The following XIAP variants were observed in gnomAD, a reference collection of about 807,000 sequenced individuals.
XIAP encodes the protein E3 ubiquitin-protein ligase XIAP.
Under a neutral mutation model 33.1 loss-of-function variants are expected in XIAP, and 3 were observed. That is an observed-to-expected ratio of 0.09 (90% CI 0.04 to 0.23). XIAP has a LOEUF of 0.23. XIAP is among the 10% of genes least tolerant of loss of function. The pLI, the probability that XIAP is intolerant of heterozygous loss-of-function variation, is 1.00. For missense variants in XIAP, 264 were observed against 363.0 expected, an observed-to-expected ratio of 0.73 and a Z score of 2.22; for synonymous variants, 98 against 121.3, an observed-to-expected ratio of 0.81 and a Z score of 1.26.
chrX:123,876,119 C>G (rs1389657101), intron 1 of XIAP, among the ~76,000 whole-genome samples: 1 of 111,584 alleles, frequency 9.0e-6, no homozygotes, highest in East Asian at 2.8e-4. Flanking sequence ...GCCTACATTG[C>G]CCAGTCTGGT....
intron 1 of XIAP, among the ~76,000 whole-genome samples, chrX:123,883,088 C>T (rs1453966363): frequency 2.0e-5 from 2 of 100,603 alleles, no homozygotes; most frequent in Non-Finnish European, 4.0e-5. Flanking sequence ...AGCCATCACG[C>T]CCGGCCTTTT....
chrX:123,900,704 C>G lies in XIAP; in HGVS notation c.1300+11C>G. The G allele has an allele frequency of 8.3e-7, 1 of 1,205,711 alleles. No individual in the cohort carries two copies. Among genetic ancestry groups the G allele is most frequent in the Non-Finnish European group, 1.1e-6 (1 of 890,158 alleles). On this transcript the variant is annotated intron_variant, in intron 6 of 6. Transcript: ENST00000371199. ...CTTCATTACAGAAAGGTATGCATTG[C>G]TGTTTTTAAAAAGCAAGAAAGGGCC...
At chrX:123,889,091 AT>A (rs34602221) in intron 3 of XIAP, among the ~76,000 whole-genome samples, 1,154 of 68,874 alleles carry the variant, frequency 0.017, 22 homozygotes, top group African/African-American at 0.058. Context: ...TGCCTGGCTA[AT>A]TTTTTTTTTT....
rs779388079 is a variant in XIAP, at chrX:123,891,275, A to G, written c.1015A>G (p.Ile339Val). Residue 339 changes from isoleucine to valine, a missense_variant, in exon 4 of 7, where the codon ATA (isoleucine) becomes GTA (valine). Physicochemically the swap from Ile to Val is conservative, Grantham distance 29 (BLOSUM62 3). Coordinates refer to ENST00000371199, the MANE Select transcript of XIAP (RefSeq NM_001167.4). The stretch of plus-strand genomic sequence containing the variant: ...GTTAGAACAGAAGGGACAAGAATAT[A>G]TAAACAATATTCATTTAACTCATTC... ...YLLEQKGQEY[I>V]NNIHLTHSLE... 2.7e-6 allele frequency: 3 copies of G among 1,125,917 alleles called. No homozygotes were observed. Among genetic ancestry groups the G allele is most frequent in the Non-Finnish European group, 3.6e-6 (3 of 827,081 alleles). The allele number at this position is 1,125,917 out of a possible 1,213,427, so 92.8% of individuals were successfully genotyped here.
chrX:123,884,966 A>T (rs958628893), intron 1 of XIAP, among the ~76,000 whole-genome samples: 1 of 109,153 alleles, frequency 9.2e-6, no homozygotes, highest in African/African-American at 3.4e-5. Flanking sequence ...AGTAACAGCA[A>T]TTAAGGTTTG....
In XIAP at chrX:123,908,173, C is replaced by A. The variant is rs1401432885; in HGVS notation, c.*992C>A. On this transcript the variant is annotated 3_prime_UTR_variant, in exon 7 of 7. Transcript: ENST00000371199. Reference sequence around the variant, plus strand: ...CTTTAGTTTTTCTAATCCAAGAAGGCAGGGCAGTTAACCTTTTTGGTGCCA... The same window carrying A: ...CTTTAGTTTTTCTAATCCAAGAAGGAAGGGCAGTTAACCTTTTTGGTGCCA... 1 of 364,594 alleles carries A rather than the reference C, an allele frequency of 2.7e-6. No homozygotes were observed. The highest frequency in any genetic ancestry group is 6.2e-5 in the East Asian group (1 of 16,097). 30.0% of individuals were successfully genotyped at this position (364,594 alleles called of 1,213,427 possible).
At chrX:123,876,367 G>A (rs962822152) in intron 1 of XIAP, among the ~76,000 whole-genome samples, 3 of 111,087 alleles carry the variant, frequency 2.7e-5, no homozygotes, top group African/African-American at 9.8e-5. Context: ...CATTACATAA[G>A]TAGGTTTAGA....
At chrX:123,902,114 G>A (rs757265006) in intron 6 of XIAP, among the ~76,000 whole-genome samples, 6 of 112,024 alleles carry the variant, frequency 5.4e-5, no homozygotes, top group East Asian at 2.8e-4. Context: ...TTAAACACGC[G>A]CTTAATTGTT....
intron 3 of XIAP, among the ~76,000 whole-genome samples, chrX:123,890,647 A>T (rs2053399184): frequency 9.7e-6 from 1 of 103,166 alleles, no homozygotes; most frequent in South Asian, 4.5e-4. Flanking sequence ...CTCAAAAAAA[A>T]AAAAAAAAAA....
chrX:123,900,770 G>C (rs2053508462), intron 6 of XIAP, 77 bp downstream of exon 6: 1 of 921,893 alleles, frequency 1.1e-6, no homozygotes, highest in African/African-American at 1.9e-5. Context: ...CACTTTGGGA[G>C]GCTGGGACAG....
At position 123,912,550 on chromosome X, in the gene XIAP, G is replaced by T. The variant is rs934270283; in HGVS notation, c.*5369G>T. ...CTCCGGAGCCTGAGGTGGGAGGATC[G>T]CTTGAGTCTGGGAGGCAGAGGCTGC... On this transcript the variant is annotated 3_prime_UTR_variant, in exon 7 of 7. Transcript: ENST00000371199. 1.5e-5 allele frequency: 5 copies of T among 325,267 alleles called. No homozygotes were observed. The highest frequency in any genetic ancestry group is 1.3e-4 in the African/African-American group (5 of 37,352). The allele number at this position is 325,267 out of a possible 1,213,427, so 26.8% of individuals were successfully genotyped here.
At chrX:123,888,063 G>A (rs1391877238) in intron 2 of XIAP, among the ~76,000 whole-genome samples, 1 of 111,263 alleles carries the variant, frequency 9.0e-6, no homozygotes, top group Non-Finnish European at 1.9e-5. Context: ...GCCAGGTACA[G>A]TGGCTTACGC....
chrX:123,900,112 A>G (rs778532377), intron 5 of XIAP, among the ~76,000 whole-genome samples: 3 of 112,229 alleles, frequency 2.7e-5, no homozygotes, highest in Non-Finnish European at 3.8e-5. Context: ...ATTTTCCCCA[A>G]ATAATTGCTA....
intron 1 of XIAP, 184 bp downstream of exon 1, chrX:123,860,477 C>T (rs1442547666): frequency 7.7e-6 from 2 of 258,587 alleles, no homozygotes; most frequent in African/African-American, 2.8e-5. Flanking sequence ...GGACTGCCGA[C>T]GGCAGGCGTG....
At position 123,901,064 on chromosome X, in the gene XIAP, C is replaced by A. The variant is rs2053510702; in HGVS notation, c.1300+371C>A. ...GTCTCTTTTCCTCTACTTTTAGGAA[C>A]ACTAATCCCATCATGGGGGGGTCTC... On this transcript the variant is annotated intron_variant, in intron 6 of 6. Transcript: ENST00000371199. 2.9e-5 allele frequency among the ~76,000 whole-genome samples: 3 copies of A among 102,605 alleles called. 1 individual carries two copies. In the South Asian group the frequency reaches 1.5e-3, roughly 53 times the overall value. The allele number at this position is 102,605 out of a possible 115,157, so 89.1% of individuals were successfully genotyped here.
intron 1 of XIAP, among the ~76,000 whole-genome samples, chrX:123,869,006 C>T (rs751318600): frequency 3.4e-4 from 37 of 109,988 alleles, no homozygotes; most frequent in African/African-American, 1.2e-3. Context: ...TATGTATTTT[C>T]GAGGATATGG....
At chrX:123,894,202 C>T (rs922025127) in intron 5 of XIAP, among the ~76,000 whole-genome samples, 2 of 112,130 alleles carry the variant, frequency 1.8e-5, no homozygotes, top group African/African-American at 6.5e-5. Context: ...AAAAAGTGGG[C>T]AGAGAAAGAT....
chrX:123,884,942 G>A (rs1487997322), intron 1 of XIAP, among the ~76,000 whole-genome samples: 1 of 46,386 alleles, frequency 2.2e-5, no homozygotes, highest in East Asian at 4.7e-4. Context: ...GTATGTCATG[G>A]GCAAAAAAAA....
chrX:123,909,366 T>G lies in XIAP; in HGVS notation c.*2185T>G. ...AAATTTAAATGAGAGTTTTAAAAAT[T>G]AAATAATGACTGCCCTGTTTCTGTT... On this transcript the variant is annotated 3_prime_UTR_variant, in exon 7 of 7. Coordinates refer to ENST00000371199, the MANE Select transcript of XIAP (RefSeq NM_001167.4). 1 of 327,605 alleles carries G rather than the reference T, an allele frequency of 3.1e-6. No individual in the cohort carries two copies. Among genetic ancestry groups the G allele is most frequent in the East Asian group, 9.7e-5 (1 of 10,284 alleles). The allele number at this position is 327,605 out of a possible 1,213,427, so 27.0% of individuals were successfully genotyped here.
Sources: gnomAD v4.1 joint callset for allele counts (sites outside exome capture counted in the v4.1 genomes callset) on GRCh38, gnomAD v4.1.1 for gene constraint, MANE v1.5 for transcripts, NCBI Gene and HGNC (gene_info 2026-07-23, HGNC 2026-07-21) for gene names.